CLASP2: variants seen among roughly 807,000 people sequenced by gnomAD.
The protein encoded by CLASP2 is CLIP-associating protein 2.
A neutral mutation model predicts 194.4 loss-of-function variants in CLASP2; 47 were observed. The observed-to-expected ratio is 0.24, with a 90% CI of 0.19 to 0.31. The LOEUF is 0.31. Among genes scored for constraint, CLASP2 ranks in the 10% least tolerant of loss-of-function variants. CLASP2 has a pLI of 1.00. For missense variants in CLASP2, 1,445 were observed against 1,823.6 expected, an observed-to-expected ratio of 0.79 and a Z score of 3.78; for synonymous variants, 619 against 633.5, an observed-to-expected ratio of 0.98 and a Z score of 0.34.
chr3:33,576,365 G>A (rs1375452644), intron 23 of CLASP2, 90 bp from the exon 24 acceptor site: 5 of 931,954 alleles, frequency 5.4e-6, no homozygotes, highest in South Asian at 1.8e-5. Flanking sequence ...TACAGGGGAA[G>A]GAAAAAAAAC....
At chr3:33,715,172 G>A (rs978921769) in intron 1 of CLASP2, among the ~76,000 whole-genome samples, 7 of 152,058 alleles carry the variant, frequency 4.6e-5, no homozygotes, top group African/African-American at 1.7e-4. Context: ...CACCTTTCTT[G>A]ACCACCCAAA....
At chr3:33,708,756 T>G (rs2092856421) in intron 1 of CLASP2, among the ~76,000 whole-genome samples, 1 of 152,034 alleles carries the variant, frequency 6.6e-6, no homozygotes, top group Admixed American at 6.5e-5. Context: ...TATTTTTAAC[T>G]TTCTGAGGAA....
Position 33,517,173 on chromosome 3 carries a change from A to T in CLASP2, c.3789T>A (p.Asp1263Glu). The change falls in exon 35 of 39, where the codon GAT (aspartate) becomes GAA (glutamate). Residue 1263 changes from aspartate to glutamate, a missense_variant and splice_region_variant. Physicochemically the swap from Asp to Glu is conservative, Grantham distance 45. Around this residue, in one of 4 missense-constraint regions of CLASP2, gnomAD observed 732 missense variants for 987.9 expected, o/e 0.74. Coordinates refer to ENST00000682230, the MANE Select transcript of CLASP2 (RefSeq NM_001365631.1). ...FDDDADQFPD[D>E]LSLDHSDLVA... The stretch of plus-strand genomic sequence containing the variant: ...CTAGGTCAGAATGATCTAGGGAAAG[A>T]TCTGTCAAAAGGACATGGTATTAGT... 6.2e-7 allele frequency: 1 copy of T among 1,609,274 alleles called. No homozygotes were observed. Among genetic ancestry groups the T allele is most frequent in the Non-Finnish European group, 8.5e-7 (1 of 1,178,506 alleles).
At chr3:33,618,243 C>T (rs1268250128) in intron 12 of CLASP2, among the ~76,000 whole-genome samples, 3 of 151,994 alleles carry the variant, frequency 2.0e-5, no homozygotes, top group Non-Finnish European at 4.4e-5. Context: ...CTGCCGCGCC[C>T]GGCCTGGTGA....
chr3:33,561,720 G>A (rs547818706), intron 27 of CLASP2, among the ~76,000 whole-genome samples: 2 of 152,194 alleles, frequency 1.3e-5, no homozygotes, highest in South Asian at 4.1e-4. Flanking sequence ...GGAAGCTAAT[G>A]TTTATAAGTG....
At chr3:33,596,143 G>A (rs918394356) in intron 19 of CLASP2, among the ~76,000 whole-genome samples, 1 of 151,634 alleles carries the variant, frequency 6.6e-6, no homozygotes, top group Admixed American at 6.6e-5. Context: ...ATATCATACA[G>A]GGTTGTTACT....
At chr3:33,717,457 C>T (rs1189542088) in intron 1 of CLASP2, among the ~76,000 whole-genome samples, 2 of 151,976 alleles carry the variant, frequency 1.3e-5, no homozygotes, top group African/African-American at 4.8e-5. Context: ...GACAGAGTCT[C>T]ACTCTGTCGC....
chr3:33,591,005 A>G (rs1002065771), intron 21 of CLASP2, among the ~76,000 whole-genome samples: 3 of 151,658 alleles, frequency 2.0e-5, no homozygotes, highest in South Asian at 4.2e-4. Context: ...ACACAGTGGG[A>G]ACCCACCTCT....
chr3:33,702,537 A>G (rs1009204547), intron 1 of CLASP2, among the ~76,000 whole-genome samples: 3 of 152,148 alleles, frequency 2.0e-5, no homozygotes, highest in African/African-American at 7.2e-5. Context: ...AATCATTGTG[A>G]CCTTGGCCAT....
Position 33,713,464 on chromosome 3 carries a change from G to A in CLASP2, c.195+4344C>T, listed in dbSNP as rs1011878425. Reference sequence around the variant, plus strand: ...TAAATGGAATAGGCAACATCAATATGTATTAATGGGTAGATAAACCTCATC... The same window carrying A: ...TAAATGGAATAGGCAACATCAATATATATTAATGGGTAGATAAACCTCATC... On this transcript the variant is annotated intron_variant, in intron 1 of 38. Coordinates refer to ENST00000682230, the MANE Select transcript of CLASP2 (RefSeq NM_001365631.1). 6.6e-4 allele frequency among the ~76,000 whole-genome samples: 100 copies of A among 152,094 alleles called. 2 individuals are homozygous for A. Among genetic ancestry groups the A allele is most frequent in the African/African-American group, 2.3e-3 (95 of 41,408 alleles).
intron 21 of CLASP2, chr3:33,588,832 G>A: frequency 1.5e-6 from 1 of 665,490 alleles, no homozygotes; most frequent in Non-Finnish European, 2.7e-6. Flanking sequence ...GAAAGCTTTA[G>A]TCAGTTCTCA....
Position 33,592,142 on chromosome 3 carries a change from G to A in CLASP2, c.2068+253C>T. ...GATGCAGCCCTAATAAAACACCAAAGACAAGACAACACCCACTCAAAAAAT... is the reference window on the plus strand; with the variant it reads ...GATGCAGCCCTAATAAAACACCAAAAACAAGACAACACCCACTCAAAAAAT... On this transcript the variant is annotated intron_variant, in intron 21 of 38. Coordinates refer to ENST00000682230, the MANE Select transcript of CLASP2 (RefSeq NM_001365631.1). 7 of 699,476 alleles carry A rather than the reference G, an allele frequency of 1.0e-5. No homozygotes were observed. The South Asian group carries it at 1.0e-4, about 10-fold the overall frequency. 43.3% of individuals were successfully genotyped at this position (699,476 alleles called of 1,614,324 possible). A position where few individuals can be genotyped will look rare whatever the true frequency, so the allele number is the denominator to read the frequency against.
chr3:33,711,685 C>A (rs777457140), intron 1 of CLASP2, among the ~76,000 whole-genome samples: 74 of 151,672 alleles, frequency 4.9e-4, no homozygotes, highest in African/African-American at 1.3e-3. Context: ...GAAAAAAAAA[C>A]CAAATTATCC....
At chr3:33,623,323 C>G (rs1398025049) in intron 10 of CLASP2, among the ~76,000 whole-genome samples, 1 of 152,090 alleles carries the variant, frequency 6.6e-6, no homozygotes, top group African/African-American at 2.4e-5. Flanking sequence ...TTATTGTTAA[C>G]TACAGTCACC....
intron 36 of CLASP2, among the ~76,000 whole-genome samples, chr3:33,512,557 T>TAA (rs71070140): frequency 0.012 from 150 of 12,472 alleles, 16 homozygotes; most frequent in African/African-American, 0.054. Context: ...TAGAGTATAA[T>TAA]AAAAAAAAAA....
At chr3:33,652,618 T>C (rs763956428) in intron 7 of CLASP2, among the ~76,000 whole-genome samples, 1 of 152,234 alleles carries the variant, frequency 6.6e-6, no homozygotes, top group African/African-American at 2.4e-5. Context: ...TTTAAATACC[T>C]TCTATATGCT....
chr3:33,657,976 C>A (rs1169166943), intron 7 of CLASP2, among the ~76,000 whole-genome samples: 1 of 152,052 alleles, frequency 6.6e-6, no homozygotes, highest in Non-Finnish European at 1.5e-5. Flanking sequence ...TCCTTAAGAA[C>A]CTGGCAAAAA....
intron 37 of CLASP2, among the ~76,000 whole-genome samples, chr3:33,506,617 C>T (rs756890170): frequency 1.2e-4 from 18 of 151,970 alleles, no homozygotes; most frequent in Non-Finnish European, 1.9e-4. Context: ...GAGCTTCCTA[C>T]TCTGTCTGCC....
At chr3:33,675,359 C>A (rs1227809910) in intron 6 of CLASP2, among the ~76,000 whole-genome samples, 1 of 152,032 alleles carries the variant, frequency 6.6e-6, no homozygotes, top group African/African-American at 2.4e-5. Flanking sequence ...TCAATAGATG[C>A]AGAAAAGGCC....
Sources: allele counts gnomAD v4.1 joint callset (sites outside exome capture counted in the v4.1 genomes callset), GRCh38; gene constraint gnomAD v4.1.1; regional missense constraint gnomAD v4.1.1; transcripts MANE v1.5; gene names NCBI Gene and HGNC (gene_info 2026-07-23, HGNC 2026-07-21).